The following DHX15 variants were observed in gnomAD, a reference collection of about 807,000 sequenced individuals.
The protein encoded by DHX15 is ATP-dependent RNA helicase DHX15.
A neutral mutation model predicts 94.4 loss-of-function variants in DHX15; 11 were observed. That is an observed-to-expected ratio of 0.12 (90% CI 0.07 to 0.19). DHX15 has a LOEUF of 0.19. DHX15 is among the 10% of genes least tolerant of loss of function. The probability of loss-of-function intolerance (pLI) is 1.00; values close to 1 mark genes in which losing one functional copy is unlikely to be tolerated. For missense variants in DHX15, 304 were observed against 988.5 expected (o/e 0.31, Z 9.29); for synonymous variants, 338 against 329.9 (o/e 1.02, Z -0.27).
intron 6 of DHX15, among the ~76,000 whole-genome samples, chr4:24,545,780 A>C (rs7678314): frequency 6.6e-6 from 1 of 152,186 alleles, no homozygotes; most frequent in African/African-American, 2.4e-5. Flanking sequence ...TGAATTTGTC[A>C]AGGGATTTAC....
At chr4:24,543,807 C>T (rs1250662661) in intron 6 of DHX15, among the ~76,000 whole-genome samples, 1 of 151,916 alleles carries the variant, frequency 6.6e-6, no homozygotes, top group Non-Finnish European at 1.5e-5. Flanking sequence ...GGGGATTCCT[C>T]ATTAGTATTT....
At chr4:24,544,557 A>G (rs758564384) in intron 6 of DHX15, among the ~76,000 whole-genome samples, 1 of 152,206 alleles carries the variant, frequency 6.6e-6, no homozygotes, top group Non-Finnish European at 1.5e-5. Context: ...GCAAACAACG[A>G]CATACATAAG....
chr4:24,528,139 C>T (rs1259834399), intron 13 of DHX15, 98 bp from the exon 14 acceptor site: 1 of 725,256 alleles, frequency 1.4e-6, no homozygotes, highest in African/African-American at 1.7e-5. Flanking sequence ...TACTGATGAA[C>T]CAAGGCAAAT....
intron 5 of DHX15, among the ~76,000 whole-genome samples, chr4:24,554,159 G>A (rs1474186843): frequency 5.9e-5 from 9 of 152,218 alleles, no homozygotes; most frequent in East Asian, 1.9e-4. Context: ...CGGAGCTTGC[G>A]GTGAGCCAAG....
At chr4:24,560,959 G>A (rs946169065) in intron 3 of DHX15, among the ~76,000 whole-genome samples, 3 of 152,198 alleles carry the variant, frequency 2.0e-5, no homozygotes, top group African/African-American at 7.2e-5. Flanking sequence ...TAAAGAAACA[G>A]ATGCTCATTT....
chr4:24,555,881 A>C (rs1035598881), intron 4 of DHX15, among the ~76,000 whole-genome samples: 16 of 152,168 alleles, frequency 1.1e-4, no homozygotes, highest in Non-Finnish European at 1.6e-4. Flanking sequence ...TATAAGTTAC[A>C]ATGGGTGTTT....
At chr4:24,547,822 G>C (rs1721457461) in intron 6 of DHX15, among the ~76,000 whole-genome samples, 1 of 147,354 alleles carries the variant, frequency 6.8e-6, no homozygotes, top group African/African-American at 2.5e-5. Flanking sequence ...TTGCCTGGAG[G>C]ATGCATTAAC....
chr4:24,579,677 A>G (rs1281400993), intron 1 of DHX15, among the ~76,000 whole-genome samples: 1 of 152,218 alleles, frequency 6.6e-6, no homozygotes, highest in African/African-American at 2.4e-5. Context: ...TGTTTTGTAG[A>G]GTATAGATAG....
In DHX15 at chr4:24,558,985, T is replaced by G. The variant is rs566145898; in HGVS notation, c.702-2575A>C. On this transcript the variant is annotated intron_variant, in intron 3 of 13. Transcript: ENST00000336812. ...ATAGCAAAAAGCTATTCGAAAGATA[T>G]GCCCAGGTCCTAACCTCTGGTACCT... 1.3e-5 allele frequency among the ~76,000 whole-genome samples: 2 copies of G among 152,246 alleles called. 1 individual carries two copies. Among genetic ancestry groups the G allele is most frequent in the South Asian group, 4.1e-4 (2 of 4,830 alleles).
chr4:24,572,173 CT>C (rs1283302309), intron 2 of DHX15, among the ~76,000 whole-genome samples: 3 of 152,194 alleles, frequency 2.0e-5, no homozygotes, highest in Non-Finnish European at 2.9e-5. Flanking sequence ...TGGAATCTCA[CT>C]CTGTTGACCA....
intron 3 of DHX15, chr4:24,563,524 A>AAC (rs1207650862): frequency 6.6e-6 from 1 of 152,212 alleles, no homozygotes; most frequent in Non-Finnish European, 1.5e-5. Flanking sequence ...TTTGGGTATA[A>AAC]ACAGATCACT....
intron 4 of DHX15, 143 bp from the exon 5 acceptor site, chr4:24,555,086 AATAC>A: frequency 1.8e-6 from 1 of 545,004 alleles, no homozygotes; most frequent in Non-Finnish European, 3.1e-6. Context: ...TGAAAAATCA[AATAC>A]ATAATGGCTG....
At position 24,544,598 on chromosome 4, in the gene DHX15, C is replaced by T. The variant is rs544024605; in HGVS notation, c.1249-1572G>A. 9.9e-5 allele frequency among the ~76,000 whole-genome samples: 15 copies of T among 152,138 alleles called. No individual in the cohort carries two copies. In the South Asian group the frequency reaches 1.9e-3, roughly 19 times the overall value. On this transcript the variant is annotated intron_variant, in intron 6 of 13. Coordinates refer to ENST00000336812, the MANE Select transcript of DHX15 (RefSeq NM_001358.3). ...CAGGTGAAACTTGAATAAGCATAAC[C>T]GGCATTTAATATTCTAGAAAGTCAG... is the stretch of plus-strand genomic sequence containing the variant.
At chr4:24,548,305 G>A (rs143634351) in intron 6 of DHX15, among the ~76,000 whole-genome samples, 2 of 152,110 alleles carry the variant, frequency 1.3e-5, no homozygotes, top group Non-Finnish European at 2.9e-5. Context: ...ACCACGCCCG[G>A]CTAATTTTTT....
At chr4:24,554,300 A>T (rs568691282) in intron 5 of DHX15, among the ~76,000 whole-genome samples, 8 of 152,258 alleles carry the variant, frequency 5.3e-5, no homozygotes, top group Non-Finnish European at 1.2e-4. Flanking sequence ...AATCCTTCCC[A>T]AATTTCATGA....
At chr4:24,561,832 T>C (rs888105351) in intron 3 of DHX15, among the ~76,000 whole-genome samples, 1 of 152,110 alleles carries the variant, frequency 6.6e-6, no homozygotes, top group Non-Finnish European at 1.5e-5. Context: ...CAGGTAACTA[T>C]GCTTATTACC....
At chr4:24,563,439 A>G in intron 3 of DHX15, 1 of 152,340 alleles carries the variant, frequency 6.6e-6, no homozygotes, top group Non-Finnish European at 1.5e-5. Context: ...TTGGGATTAC[A>G]GGCATAAGCC....
intron 1 of DHX15, among the ~76,000 whole-genome samples, chr4:24,583,167 A>G (rs1722456118): frequency 6.6e-6 from 1 of 152,250 alleles, no homozygotes; most frequent in Non-Finnish European, 1.5e-5. Flanking sequence ...TATGCAAAGT[A>G]TTTGGCTACT....
intron 2 of DHX15, among the ~76,000 whole-genome samples, chr4:24,574,726 A>G (rs551611428): frequency 5.3e-5 from 8 of 152,202 alleles, no homozygotes; most frequent in Admixed American, 1.3e-4. Flanking sequence ...GTGGTGATGA[A>G]TATCTTCCTG....
Sources: gnomAD v4.1 joint callset for allele counts (sites outside exome capture counted in the v4.1 genomes callset) on GRCh38, gnomAD v4.1.1 for gene constraint, MANE v1.5 for transcripts, NCBI Gene and HGNC (gene_info 2026-07-23, HGNC 2026-07-21) for gene names.